The following RTN1 variants were observed in gnomAD, a reference collection of about 807,000 sequenced individuals.
RTN1 encodes reticulon-1.
Under a neutral mutation model 65.5 loss-of-function variants are expected in RTN1, and 25 were observed. The observed-to-expected ratio is 0.38, with a 90% CI of 0.28 to 0.53. The LOEUF is 0.53. Among genes scored for constraint, RTN1 ranks in the 20% least tolerant of loss-of-function variants. The pLI is 0.79. For synonymous variants in RTN1, 471 were observed against 447.6 expected, an observed-to-expected ratio of 1.05 and a Z score of -0.66; for missense variants, 983 against 1,025.4, an observed-to-expected ratio of 0.96 and a Z score of 0.57.
intron 1 of RTN1, among the ~76,000 whole-genome samples, chr14:59,757,453 C>T (rs1348769626): frequency 6.6e-6 from 1 of 152,148 alleles, no homozygotes; most frequent in African/African-American, 2.4e-5. Context: ...GTAAGACATC[C>T]TTTTGCTCTT....
intron 3 of RTN1, among the ~76,000 whole-genome samples, chr14:59,681,070 A>G (rs150708928): frequency 7.4e-4 from 112 of 152,196 alleles, no homozygotes; most frequent in African/African-American, 2.7e-3. Flanking sequence ...TATTAATAGT[A>G]TGTGTGTGTC....
At chr14:59,638,201 T>C (rs1441620615) in intron 3 of RTN1, among the ~76,000 whole-genome samples, 1 of 152,174 alleles carries the variant, frequency 6.6e-6, no homozygotes, top group East Asian at 1.9e-4. Flanking sequence ...TACTGTTTGA[T>C]CCATGGGCTG....
chr14:59,864,417 A>G (rs1439609320), intron 1 of RTN1, among the ~76,000 whole-genome samples: 1 of 152,184 alleles, frequency 6.6e-6, no homozygotes, highest in Non-Finnish European at 1.5e-5. Flanking sequence ...ATACCTTATC[A>G]AAGAGGTCTT....
At chr14:59,731,358 A>G (rs1884892606) in intron 2 of RTN1, among the ~76,000 whole-genome samples, 1 of 152,196 alleles carries the variant, frequency 6.6e-6, no homozygotes, top group Admixed American at 6.5e-5. Context: ...TTGGAGGGTG[A>G]GAAAAGGGGG....
chr14:59,813,480 G>A (rs1566735421), intron 1 of RTN1, among the ~76,000 whole-genome samples: 1 of 152,194 alleles, frequency 6.6e-6, no homozygotes, highest in Non-Finnish European at 1.5e-5. Flanking sequence ...GACTTGATAA[G>A]TTCAACCAAT....
At chr14:59,646,913 CAG>C (rs1224947927) in intron 3 of RTN1, 32 of 154,048 alleles carry the variant, frequency 2.1e-4, no homozygotes, top group African/African-American at 7.5e-4. Context: ...AATACAATGA[CAG>C]AATCAAATCC....
chr14:59,631,105 T>G (rs1374732191), intron 3 of RTN1, among the ~76,000 whole-genome samples: 3 of 152,220 alleles, frequency 2.0e-5, no homozygotes, highest in African/African-American at 7.2e-5. Flanking sequence ...ACTCGATGAA[T>G]TTTAATTGCC....
At chr14:59,835,422 T>A (rs1387246069) in intron 1 of RTN1, among the ~76,000 whole-genome samples, 1 of 152,188 alleles carries the variant, frequency 6.6e-6, no homozygotes, top group Non-Finnish European at 1.5e-5. Context: ...AGGTCAAAGT[T>A]ATTGTACCCT....
intron 3 of RTN1, among the ~76,000 whole-genome samples, chr14:59,622,945 C>T (rs1054782121): frequency 2.0e-5 from 3 of 152,172 alleles, no homozygotes; most frequent in African/African-American, 7.2e-5. Context: ...AATGCCAACA[C>T]TATTTCTAGA....
intron 3 of RTN1, among the ~76,000 whole-genome samples, chr14:59,672,620 T>C (rs147553600): frequency 0.014 from 1,962 of 141,216 alleles, 56 homozygotes; most frequent in African/African-American, 0.051. Flanking sequence ...GAATACAAGA[T>C]ATTTCTTTTT....
At chr14:59,735,130 C>G (rs1884977481) in intron 2 of RTN1, among the ~76,000 whole-genome samples, 1 of 152,086 alleles carries the variant, frequency 6.6e-6, no homozygotes. Context: ...TCATATCCAG[C>G]CAAACTAAGC....
chr14:59,724,079 C>T (rs1380261179), intron 3 of RTN1, among the ~76,000 whole-genome samples: 1 of 152,146 alleles, frequency 6.6e-6, no homozygotes, highest in Non-Finnish European at 1.5e-5. Context: ...AACATATCTA[C>T]CTGCTTTAGA....
At chr14:59,712,662 C>T (rs1013583784) in intron 3 of RTN1, among the ~76,000 whole-genome samples, 2 of 152,288 alleles carry the variant, frequency 1.3e-5, no homozygotes, top group Non-Finnish European at 1.5e-5. Flanking sequence ...TGGCTCACAC[C>T]TATAATCCCA....
intron 1 of RTN1, among the ~76,000 whole-genome samples, chr14:59,823,122 T>A (rs1886971847): frequency 6.6e-6 from 1 of 152,156 alleles, no homozygotes; most frequent in South Asian, 2.1e-4. Flanking sequence ...ACTCCCACCA[T>A]TATTGTGTAG....
chr14:59,666,079 C>G (rs1424320895), intron 3 of RTN1, among the ~76,000 whole-genome samples: 1 of 152,138 alleles, frequency 6.6e-6, no homozygotes, highest in African/African-American at 2.4e-5. Context: ...CTCAGCTCTG[C>G]AACAAGTAGA....
chr14:59,705,393 C>G (rs1280765219), intron 3 of RTN1, among the ~76,000 whole-genome samples: 2 of 152,188 alleles, frequency 1.3e-5, no homozygotes, highest in Non-Finnish European at 2.9e-5. Flanking sequence ...GGAGGAAATG[C>G]ACTTACTACT....
intron 3 of RTN1, among the ~76,000 whole-genome samples, chr14:59,652,068 T>C (rs986484447): frequency 2.6e-5 from 4 of 151,856 alleles, no homozygotes; most frequent in African/African-American, 7.3e-5. Context: ...TCAACAAGCA[T>C]ATGAAAAAAA....
chr14:59,843,082 T>C (rs1176134062), intron 1 of RTN1, among the ~76,000 whole-genome samples: 1 of 152,162 alleles, frequency 6.6e-6, no homozygotes, highest in African/African-American at 2.4e-5. Context: ...GTCCCAAATA[T>C]CCACCAACAA....
intron 3 of RTN1, among the ~76,000 whole-genome samples, chr14:59,722,689 T>TA (rs1008176515): frequency 1.3e-5 from 2 of 151,572 alleles, no homozygotes; most frequent in Non-Finnish European, 2.9e-5. Context: ...CCTGAATACT[T>TA]AAAGAAATTC....
Sources: allele counts gnomAD v4.1 joint callset (sites outside exome capture counted in the v4.1 genomes callset), GRCh38; gene constraint gnomAD v4.1.1; transcripts MANE v1.5; gene names NCBI Gene and HGNC (gene_info 2026-07-23, HGNC 2026-07-21).